The following RNPC3 variants were observed in gnomAD, a reference collection of about 807,000 sequenced individuals.
The protein encoded by RNPC3 is RNA-binding region-containing protein 3.
Under a neutral mutation model 67.5 loss-of-function variants are expected in RNPC3, and 48 were observed. That is an observed-to-expected ratio of 0.71 (90% CI 0.56 to 0.90). RNPC3 has a LOEUF of 0.90. Among genes scored for constraint, RNPC3 ranks in the 40% least tolerant of loss-of-function variants. RNPC3 has a pLI of 0.00. For synonymous variants in RNPC3, 239 were observed against 210.3 expected (o/e 1.14, Z -1.18); for missense variants, 637 against 626.1 (o/e 1.02, Z -0.19).
chr1:103,537,531 T>C (rs749373957), intron 7 of RNPC3, 47 bp downstream of exon 7: 94 of 1,462,982 alleles, frequency 6.4e-5, no homozygotes, highest in Admixed American at 2.1e-4. Flanking sequence ...ACATAGAATG[T>C]AAGAAAGAGA....
At chr1:103,542,261 T>A (rs1003612729) in intron 8 of RNPC3, among the ~76,000 whole-genome samples, 3 of 151,912 alleles carry the variant, frequency 2.0e-5, no homozygotes, top group Non-Finnish European at 4.4e-5. Context: ...GAGGAGATAT[T>A]TGAGCTGGCC....
intron 6 of RNPC3, 111 bp from the exon 7 acceptor site, chr1:103,537,231 T>TAAA: frequency 1.1e-5 from 7 of 643,144 alleles, no homozygotes; most frequent in South Asian, 2.7e-5. Context: ...TAGAATGTGT[T>TAAA]AAAAAAAAAA....
chr1:103,541,391 G>T lies in RNPC3; in HGVS notation c.809G>T (p.Arg270Ile). 6.6e-7 allele frequency: 1 copy of T among 1,508,624 alleles called. No homozygotes were observed. The highest frequency in any genetic ancestry group is 2.6e-5 in the East Asian group (1 of 38,522). The allele number at this position is 1,508,624 out of a possible 1,614,324, so 93.5% of individuals were successfully genotyped here. The change falls in exon 8 of 15, where the codon AGA (arginine) becomes ATA (isoleucine). Residue 270 changes from arginine (R) to isoleucine (I), a missense_variant. By Grantham distance (97) the Arg-to-Ile change is moderately conservative. Transcript: ENST00000423855. ...GAACTAGCAAATCTTCAGCCCAAAAGACCTAAAACAATAAAGCAGCGCCAT... is the reference window on the plus strand; with the variant it reads ...GAACTAGCAAATCTTCAGCCCAAAATACCTAAAACAATAAAGCAGCGCCAT... ...LMELANLQPK[R>I]PKTIKQRHVR...
At chr1:103,538,839 T>C (rs1651056385) in intron 7 of RNPC3, among the ~76,000 whole-genome samples, 1 of 152,216 alleles carries the variant, frequency 6.6e-6, no homozygotes, top group Admixed American at 6.5e-5. Context: ...TTCTTGACAA[T>C]CTATGCATTT....
chr1:103,529,014 A>G (rs1175388424), intron 2 of RNPC3, among the ~76,000 whole-genome samples: 2 of 152,208 alleles, frequency 1.3e-5, no homozygotes, highest in East Asian at 3.9e-4. Context: ...CTGTCTGAGA[A>G]TGATGTCAAA....
chr1:103,527,992 C>G (rs1201349331), intron 2 of RNPC3, among the ~76,000 whole-genome samples: 5 of 152,200 alleles, frequency 3.3e-5, no homozygotes, highest in Non-Finnish European at 7.3e-5. Context: ...ATAAATATCT[C>G]TGTGACTGTT....
Position 103,547,027 on chromosome 1 carries a change from G to T in RNPC3, c.1353G>T (p.Gln451His). The change falls in exon 12 of 15, where the codon CAG (glutamine) becomes CAT (histidine). Residue 451 changes from glutamine (Q) to histidine (H), a missense_variant. Physicochemically the swap from Gln to His is conservative, Grantham distance 24. Coordinates refer to ENST00000423855, the MANE Select transcript of RNPC3 (RefSeq NM_017619.4). ...ATGTTGACTTTTCATCAGAAACACAGCGGATCATGTAAGTGACAGTAAAAT... is the reference window on the plus strand; with the variant it reads ...ATGTTGACTTTTCATCAGAAACACATCGGATCATGTAAGTGACAGTAAAAT... ...GRYVDFSSETQRIMFDIRLMK... is the reference protein window; with the variant it reads ...GRYVDFSSETHRIMFDIRLMK... 6.7e-7 allele frequency: 1 copy of T among 1,493,280 alleles called. No homozygotes were observed. The highest frequency in any genetic ancestry group is 9.0e-7 in the Non-Finnish European group (1 of 1,114,910). The allele number at this position is 1,493,280 out of a possible 1,614,324, so 92.5% of individuals were successfully genotyped here. A position where few individuals can be genotyped will look rare whatever the true frequency, so the allele number is the denominator to read the frequency against.
At chr1:103,531,981 G>C (rs1265264736) in intron 2 of RNPC3, among the ~76,000 whole-genome samples, 2 of 152,048 alleles carry the variant, frequency 1.3e-5, no homozygotes, top group African/African-American at 2.4e-5. Context: ...TTAAGTCCTT[G>C]ATCCATCTTG....
In RNPC3 at chr1:103,551,765, A is replaced by G. The variant is rs1033467705; in HGVS notation, c.1539A>G (p.Gly513=). The G allele has an allele frequency of 1.3e-6, 2 of 1,520,906 alleles. No individual in the cohort carries two copies. The highest frequency in any genetic ancestry group is 2.1e-5 in the Admixed American group (1 of 47,592). 94.2% of individuals were successfully genotyped at this position (1,520,906 alleles called of 1,614,324 possible). A position where few individuals can be genotyped will look rare whatever the true frequency, so the allele number is the denominator to read the frequency against. The change falls in exon 14 of 15, where the codon GGA becomes GGG. Residue 513 remains glycine (G), a synonymous_variant. Coordinates refer to ENST00000423855, the MANE Select transcript of RNPC3 (RefSeq NM_017619.4). ...SARPKQDPKE[G]KRKC The stretch of plus-strand genomic sequence containing the variant: ...GACCAAAACAAGATCCTAAGGAAGG[A>G]AAAAGAAAGTGTTAAAAATTAATAA...
chr1:103,553,358 T>C (rs1651446709), intron 14 of RNPC3: 1 of 152,226 alleles, frequency 6.6e-6, no homozygotes, highest in Non-Finnish European at 1.5e-5. Context: ...CAGTGTTTTT[T>C]TGTTTTTTTC....
Position 103,525,808 on chromosome 1 carries a change from G to C in RNPC3, c.-263G>C, listed in dbSNP as rs1570612129. Reference sequence around the variant, plus strand: ...CTTGTGTTAACCCTCGCACATCTCTGGGCCAATTTTTGCTTGTAAGTCTTT... The same window carrying C: ...CTTGTGTTAACCCTCGCACATCTCTCGGCCAATTTTTGCTTGTAAGTCTTT... On this transcript the variant is annotated 5_prime_UTR_variant, in exon 1 of 15. Coordinates refer to ENST00000423855, the MANE Select transcript of RNPC3 (RefSeq NM_017619.4). 1 of 413,068 alleles carries C rather than the reference G, an allele frequency of 2.4e-6. No individual in the cohort carries two copies. The highest frequency in any genetic ancestry group is 4.4e-6 in the Non-Finnish European group (1 of 228,560). 25.6% of individuals were successfully genotyped at this position (413,068 alleles called of 1,614,324 possible).
intron 7 of RNPC3, among the ~76,000 whole-genome samples, chr1:103,538,069 T>C (rs1007040949): frequency 6.6e-6 from 1 of 152,110 alleles, no homozygotes; most frequent in Non-Finnish European, 1.5e-5. Flanking sequence ...GGTCTCGAAC[T>C]CCCAACCTCA....
At chr1:103,533,976 A>G (rs1650925878) in intron 3 of RNPC3, 119 bp downstream of exon 3, 2 of 642,178 alleles carry the variant, frequency 3.1e-6, no homozygotes, top group Non-Finnish European at 5.4e-6. Flanking sequence ...GAGGAATGAC[A>G]GATTTTTCCA....
chr1:103,535,113 G>T (rs977623441), intron 4 of RNPC3, among the ~76,000 whole-genome samples: 2 of 151,922 alleles, frequency 1.3e-5, no homozygotes, highest in African/African-American at 2.4e-5. Flanking sequence ...TGCAGATAAA[G>T]CATCTATTAA....
chr1:103,553,442 A>G (rs1465563297), intron 14 of RNPC3: 3 of 152,170 alleles, frequency 2.0e-5, no homozygotes, highest in Non-Finnish European at 4.4e-5. Context: ...TTCAAATGAA[A>G]TATTTCTAAA....
chr1:103,531,893 C>T (rs1223656445), intron 2 of RNPC3, among the ~76,000 whole-genome samples: 2 of 151,938 alleles, frequency 1.3e-5, no homozygotes, highest in African/African-American at 2.4e-5. Context: ...TTGGTCATGA[C>T]GTCTTTGCCT....
At chr1:103,550,038 G>A (rs796636974) in intron 12 of RNPC3, among the ~76,000 whole-genome samples, 6 of 151,740 alleles carry the variant, frequency 4.0e-5, no homozygotes, top group African/African-American at 1.4e-4. Context: ...GCGGTAGACG[G>A]CTGTAATCCC....
At chr1:103,540,110 G>T (rs1007634768) in intron 7 of RNPC3, among the ~76,000 whole-genome samples, 2 of 152,124 alleles carry the variant, frequency 1.3e-5, no homozygotes, top group African/African-American at 4.8e-5. Flanking sequence ...CAAGTGACCC[G>T]CCCTCCTTGG....
intron 12 of RNPC3, among the ~76,000 whole-genome samples, chr1:103,550,689 A>G (rs539994554): frequency 1.3e-5 from 2 of 151,874 alleles, no homozygotes; most frequent in African/African-American, 4.8e-5. Flanking sequence ...TGCTAATAGT[A>G]TAATTTTTAA....
Sources: gnomAD v4.1 joint callset for allele counts (sites outside exome capture counted in the v4.1 genomes callset) on GRCh38, gnomAD v4.1.1 for gene constraint, MANE v1.5 for transcripts, NCBI Gene and HGNC (gene_info 2026-07-23, HGNC 2026-07-21) for gene names.